TMOD1: variants seen among roughly 807,000 people sequenced by gnomAD.
TMOD1 encodes tropomodulin-1.
In TMOD1, 17 loss-of-function variants were observed where a neutral mutation model predicts 40.6. The ratio of observed to expected loss-of-function variants is 0.42; its 90% confidence interval spans 0.29 to 0.63. The LOEUF (loss-of-function observed/expected upper bound fraction) is 0.63. Ranked by LOEUF, TMOD1 falls within the 20% of genes least tolerant of loss-of-function variation. The pLI, the probability that TMOD1 is intolerant of heterozygous loss-of-function variation, is 0.22. For synonymous variants in TMOD1, 181 were observed against 175.0 expected (o/e 1.03, Z -0.27); for missense variants, 391 against 447.6 (o/e 0.87, Z 1.14).
chr9:97,600,090 G>A lies in TMOD1; in HGVS notation c.*392G>A. The A allele has an allele frequency of 9.8e-7, 1 of 1,023,150 alleles. No homozygotes were observed. The highest frequency in any genetic ancestry group is 1.2e-6 in the Non-Finnish European group (1 of 850,338). 63.4% of individuals were successfully genotyped at this position (1,023,150 alleles called of 1,614,324 possible). A position where few individuals can be genotyped will look rare whatever the true frequency, so the allele number is the denominator to read the frequency against. The stretch of plus-strand genomic sequence containing the variant: ...GCACACTCTTCCACATGCTTTTGAA[G>A]TATTATAAAACACTTTATTACAAAT... On this transcript the variant is annotated 3_prime_UTR_variant, in exon 10 of 10. Transcript: ENST00000259365.
At chr9:97,501,606 G>C (rs986957081), upstream of TMOD1, 6 of 148,834 alleles carry the variant, frequency 4.0e-5, no homozygotes, top group Admixed American at 3.3e-4. Flanking sequence ...CAGCCGAGCC[G>C]GGCCCGCCCC....
chr9:97,591,502 T>G (rs1279389256), intron 9 of TMOD1, 67 bp downstream of exon 9: 14 of 1,550,592 alleles, frequency 9.0e-6, no homozygotes, highest in Non-Finnish European at 1.2e-5. Flanking sequence ...GCTGGGGATG[T>G]CAGGGAAAAT....
At chr9:97,517,204 G>A (rs1375671149) in intron 1 of TMOD1, among the ~76,000 whole-genome samples, 1 of 152,010 alleles carries the variant, frequency 6.6e-6, no homozygotes, top group African/African-American at 2.4e-5. Context: ...TTTTAAATGA[G>A]CTGGGCATGG....
At chr9:97,555,816 T>C in intron 4 of TMOD1, 2 of 939,892 alleles carry the variant, frequency 2.1e-6, no homozygotes, top group Non-Finnish European at 3.4e-6. Flanking sequence ...AGGCAAGGTG[T>C]GGTTAAATGC....
chr9:97,549,232 T>C (rs1830412536), intron 3 of TMOD1, among the ~76,000 whole-genome samples: 1 of 152,192 alleles, frequency 6.6e-6, no homozygotes, highest in African/African-American at 2.4e-5. Context: ...TAGTAAGGCA[T>C]ATTCCTTAGC....
At chr9:97,585,577 C>T (rs2131286423) in intron 8 of TMOD1, among the ~76,000 whole-genome samples, 1 of 149,214 alleles carries the variant, frequency 6.7e-6, no homozygotes, top group African/African-American at 2.5e-5. Context: ...AGAAGTTCTC[C>T]TGGATAATAT....
At chr9:97,591,725 G>C (rs1476000886) in intron 9 of TMOD1, among the ~76,000 whole-genome samples, 2 of 152,096 alleles carry the variant, frequency 1.3e-5, no homozygotes, top group Non-Finnish European at 2.9e-5. Context: ...CTGAAATTTG[G>C]GAGGGCACAA....
intron 7 of TMOD1, among the ~76,000 whole-genome samples, chr9:97,566,634 A>G (rs752913740): frequency 6.6e-6 from 1 of 152,064 alleles, no homozygotes; most frequent in Non-Finnish European, 1.5e-5. Context: ...TTGCACCACT[A>G]TACTCCAGCT....
At chr9:97,519,752 C>T (rs373178140) in intron 1 of TMOD1, among the ~76,000 whole-genome samples, 15 of 152,294 alleles carry the variant, frequency 9.8e-5, no homozygotes, top group East Asian at 7.7e-4. Context: ...ACTGGGAACA[C>T]GAAGACACAT....
At position 97,599,951 on chromosome 9, in the gene TMOD1, C is replaced by G. The variant is rs1826215944; in HGVS notation, c.*253C>G. ...TAAAAACTAGAAGCCCCCAAACCAG[C>G]AGATCTTACTGAAGATGATGTTCCA... On this transcript the variant is annotated 3_prime_UTR_variant, in exon 10 of 10. Coordinates refer to ENST00000259365, the MANE Select transcript of TMOD1 (RefSeq NM_003275.4). The G allele has an allele frequency of 7.9e-7, 1 of 1,258,914 alleles. No homozygotes were observed. 78.0% of individuals were successfully genotyped at this position (1,258,914 alleles called of 1,614,324 possible). A position where few individuals can be genotyped will look rare whatever the true frequency, so the allele number is the denominator to read the frequency against.
At chr9:97,547,019 C>T (rs1188542884) in intron 3 of TMOD1, among the ~76,000 whole-genome samples, 1 of 151,208 alleles carries the variant, frequency 6.6e-6, no homozygotes, top group Non-Finnish European at 1.5e-5. Flanking sequence ...ATGCACTAAC[C>T]ATCTCCACCC....
intron 2 of TMOD1, among the ~76,000 whole-genome samples, chr9:97,528,152 C>G (rs896597234): frequency 3.3e-5 from 5 of 152,226 alleles, no homozygotes; most frequent in African/African-American, 9.6e-5. Context: ...ACACAGCCAG[C>G]TTTCCCGCCC....
intron 1 of TMOD1, among the ~76,000 whole-genome samples, chr9:97,505,567 T>G (rs888163543): frequency 1.3e-5 from 2 of 152,182 alleles, no homozygotes; most frequent in Non-Finnish European, 2.9e-5. Context: ...CGCTTTGCTG[T>G]TGGTGCCTTG....
rs937741211 is a variant in TMOD1, at chr9:97,535,585, C to T, written c.121-10600C>T. Among the ~76,000 whole-genome samples the T allele has an allele frequency of 3.9e-5, 6 of 152,266 alleles. No individual in the cohort carries two copies. The East Asian group carries it at 5.8e-4, about 15-fold the overall frequency. ...GAGCCCCTCTGGGCTGGGATCGTACCGTCATTGTCTCAGGATACCCAGTCC... is the reference window on the plus strand; with the variant it reads ...GAGCCCCTCTGGGCTGGGATCGTACTGTCATTGTCTCAGGATACCCAGTCC... On this transcript the variant is annotated intron_variant, in intron 2 of 9. Transcript: ENST00000259365.
In TMOD1 at chr9:97,601,268, G is replaced by A; in HGVS notation, c.*1570G>A. On this transcript the variant is annotated 3_prime_UTR_variant, in exon 10 of 10. Coordinates refer to ENST00000259365, the MANE Select transcript of TMOD1 (RefSeq NM_003275.4). ...TTGGTCTATGCATGGCTGCGTATGT[G>A]TTTCTTGGAACCTGTGTGACAGGGA... 1.7e-6 allele frequency: 2 copies of A among 1,202,242 alleles called. No homozygotes were observed. The highest frequency in any genetic ancestry group is 1.1e-6 in the Non-Finnish European group (1 of 936,840). The allele number at this position is 1,202,242 out of a possible 1,614,324, so 74.5% of individuals were successfully genotyped here. A position where few individuals can be genotyped will look rare whatever the true frequency, so the allele number is the denominator to read the frequency against.
At position 97,600,742 on chromosome 9, in the gene TMOD1, T is replaced by C. The variant is rs1345265827; in HGVS notation, c.*1044T>C. 2.0e-6 allele frequency: 2 copies of C among 1,006,318 alleles called. No individual in the cohort carries two copies. The highest frequency in any genetic ancestry group is 1.2e-6 in the Non-Finnish European group (1 of 842,560). The allele number at this position is 1,006,318 out of a possible 1,614,324, so 62.3% of individuals were successfully genotyped here. A position where few individuals can be genotyped will look rare whatever the true frequency, so the allele number is the denominator to read the frequency against. On this transcript the variant is annotated 3_prime_UTR_variant, in exon 10 of 10. Transcript: ENST00000259365. ...TGAAGAAACTCCAGATATCAAGGAA[T>C]TGGGAAATCCTGGCCAAACCACCCC...
chr9:97,524,267 C>T lies in TMOD1; in HGVS notation c.79C>T (p.Leu27=), dbSNP rs1431032831. Residue 27 remains leucine (L), a synonymous_variant, in exon 2 of 10, where the codon CTG becomes TTG. Transcript: ENST00000259365. ...CCTTGGAGCCCTAACAGAGGAAGAG[C>T]TGAGGACCCTGGAAAATGAGCTGGA... The part of the protein sequence containing the change: ...EILGALTEEE[L]RTLENELDEL... 2 of 1,613,996 alleles carry T rather than the reference C, an allele frequency of 1.2e-6. No homozygotes were observed. The highest frequency in any genetic ancestry group is 1.1e-5 in the South Asian group (1 of 91,086).
chr9:97,601,236 A>G lies in TMOD1; in HGVS notation c.*1538A>G, dbSNP rs574809323. On this transcript the variant is annotated 3_prime_UTR_variant, in exon 10 of 10. Coordinates refer to ENST00000259365, the MANE Select transcript of TMOD1 (RefSeq NM_003275.4). ...TCGCTGAAAACTGCAATATAATATT[A>G]AATCTGTTGGTCTATGCATGGCTGC... 1 of 1,262,830 alleles carries G rather than the reference A, an allele frequency of 7.9e-7. No individual in the cohort carries two copies. The highest frequency in any genetic ancestry group is 1.5e-5 in the African/African-American group (1 of 65,172). The allele number at this position is 1,262,830 out of a possible 1,614,324, so 78.2% of individuals were successfully genotyped here. A position where few individuals can be genotyped will look rare whatever the true frequency, so the allele number is the denominator to read the frequency against.
chr9:97,589,187 GTTCA>G (rs577620187), intron 8 of TMOD1, among the ~76,000 whole-genome samples: 403 of 150,396 alleles, frequency 2.7e-3, no homozygotes, highest in African/African-American at 9.3e-3. Context: ...ATTCTCTCAG[GTTCA>G]TTTTCAGATT....
Sources: gnomAD v4.1 joint callset for allele counts (sites outside exome capture counted in the v4.1 genomes callset) on GRCh38, gnomAD v4.1.1 for gene constraint, MANE v1.5 for transcripts, NCBI Gene and HGNC (gene_info 2026-07-23, HGNC 2026-07-21) for gene names.